The following RTN1 variants were observed in gnomAD, a reference collection of about 807,000 sequenced individuals.
RTN1 encodes reticulon 1.
In RTN1, 25 loss-of-function variants were observed where a neutral mutation model predicts 65.5. The ratio of observed to expected loss-of-function variants is 0.38; its 90% confidence interval spans 0.28 to 0.53. RTN1 has a LOEUF of 0.53. Among genes scored for constraint, RTN1 ranks in the 20% least tolerant of loss-of-function variants. RTN1 has a pLI of 0.79. For synonymous variants in RTN1, 471 were observed against 447.6 expected, an observed-to-expected ratio of 1.05 and a Z score of -0.66; for missense variants, 983 against 1,025.4, an observed-to-expected ratio of 0.96 and a Z score of 0.57.
intron 2 of RTN1, among the ~76,000 whole-genome samples, chr14:59,737,588 CA>C (rs1885026994): frequency 6.6e-6 from 1 of 152,100 alleles, no homozygotes. Context: ...CCATACTCCC[CA>C]AAACAACTTA....
intron 1 of RTN1, among the ~76,000 whole-genome samples, chr14:59,775,004 A>G (rs929983041): frequency 2.6e-5 from 4 of 152,200 alleles, no homozygotes; most frequent in African/African-American, 9.6e-5. Context: ...CTAGCCACCT[A>G]TTCATGCCAC....
intron 1 of RTN1, among the ~76,000 whole-genome samples, chr14:59,750,211 T>C (rs1401061336): frequency 3.7e-5 from 1 of 26,782 alleles, no homozygotes; most frequent in Non-Finnish European, 5.9e-5. Flanking sequence ...TAATATATAA[T>C]ATATATATTA....
At chr14:59,741,823 T>C (rs1353621778) in intron 2 of RTN1, among the ~76,000 whole-genome samples, 2 of 152,190 alleles carry the variant, frequency 1.3e-5, no homozygotes, top group South Asian at 2.1e-4. Context: ...CCCTCCTAGC[T>C]TCTCTCTGAA....
chr14:59,626,583 T>C (rs760780449), intron 3 of RTN1, among the ~76,000 whole-genome samples: 25 of 152,212 alleles, frequency 1.6e-4, no homozygotes, highest in Admixed American at 7.2e-4. Context: ...TTTGTTCCCC[T>C]AGTACAACAC....
At chr14:59,609,184 C>T (rs576565658) in intron 3 of RTN1, among the ~76,000 whole-genome samples, 2 of 152,110 alleles carry the variant, frequency 1.3e-5, no homozygotes, top group East Asian at 3.9e-4. Flanking sequence ...ACTCGGGAGG[C>T]TGAGGCAGAA....
intron 1 of RTN1, among the ~76,000 whole-genome samples, chr14:59,814,930 T>G (rs1421993290): frequency 6.6e-6 from 1 of 152,216 alleles, no homozygotes. Flanking sequence ...GTAGTTAGAA[T>G]CAGCTACTTT....
chr14:59,818,645 T>A (rs76632937), intron 1 of RTN1, among the ~76,000 whole-genome samples: 1 of 152,234 alleles, frequency 6.6e-6, no homozygotes, highest in Non-Finnish European at 1.5e-5. Flanking sequence ...TGTGTCTTTA[T>A]GGTAGGAGGA....
intron 3 of RTN1, among the ~76,000 whole-genome samples, chr14:59,721,543 G>A (rs756465265): frequency 2.0e-5 from 3 of 152,130 alleles, no homozygotes; most frequent in Non-Finnish European, 2.9e-5. Flanking sequence ...CTGTAGTTTC[G>A]AGGTGGGGGT....
Position 59,746,247 on chromosome 14 carries a change from C to A in RTN1, c.476G>T (p.Arg159Leu), listed in dbSNP as rs200207910. Residue 159 changes from arginine to leucine, a missense_variant, in exon 2 of 9, where the codon CGT (arginine) becomes CTT (leucine). Arg to Leu is a moderately radical substitution (Grantham distance 102). Coordinates refer to ENST00000267484, the MANE Select transcript of RTN1 (RefSeq NM_021136.3). ...TCCAGAATCAGAACTAAATAAGCCA[C>A]GAGACTCTATCCCAGGCACATCTGG... is the stretch of plus-strand genomic sequence containing the variant. ...SLPDVPGIES[R>L]GLFSSDSGIE... is the part of the protein sequence containing the mutation. The A allele has an allele frequency of 3.1e-6, 5 of 1,612,724 alleles. No homozygotes were observed. In the East Asian group the frequency reaches 6.7e-5, roughly 22 times the overall value.
chr14:59,861,259 C>A (rs1421616004), intron 1 of RTN1, among the ~76,000 whole-genome samples: 3 of 152,126 alleles, frequency 2.0e-5, no homozygotes, highest in Non-Finnish European at 4.4e-5. Flanking sequence ...ATAAGTCTCA[C>A]AAGATCTGAT....
chr14:59,830,775 T>C (rs1021871530), intron 1 of RTN1, among the ~76,000 whole-genome samples: 2 of 152,188 alleles, frequency 1.3e-5, no homozygotes, highest in Non-Finnish European at 2.9e-5. Flanking sequence ...ATTTAGTTCA[T>C]AGGGTGGTTT....
At position 59,870,545 on chromosome 14, in the gene RTN1, T is replaced by C; in HGVS notation, c.86A>G (p.Glu29Gly). Residue 29 changes from glutamate (E) to glycine (G), a missense_variant, in exon 1 of 9, where the codon GAG (glutamate) becomes GGG (glycine). Glu to Gly is a moderately conservative substitution (Grantham distance 98, BLOSUM62 -2). Around this residue, in one of 2 missense-constraint regions of RTN1, gnomAD observed 818 missense variants for 801.8 expected, o/e 1.02. Coordinates refer to ENST00000267484, the MANE Select transcript of RTN1 (RefSeq NM_021136.3). The surrounding 1 kb of genome is among the most constrained non-coding windows in gnomAD (Gnocchi z 5.1). ...CCCTTTCGGCGTCACCGCTTCGTTCTCCCCCTCCCCCCGGTGCCTGAGCCA... is the reference window on the plus strand; with the variant it reads ...CCCTTTCGGCGTCACCGCTTCGTTCCCCCCCTCCCCCCGGTGCCTGAGCCA... The part of the protein sequence containing the change: ...SQWLRHRGEG[E>G]NEAVTPKGAT... The C allele has an allele frequency of 6.9e-7, 1 of 1,456,588 alleles. No individual in the cohort carries two copies. Among genetic ancestry groups the C allele is most frequent in the South Asian group, 1.3e-5 (1 of 75,062 alleles). 90.2% of individuals were successfully genotyped at this position (1,456,588 alleles called of 1,614,324 possible).
chr14:59,631,994 T>C (rs558355029), intron 3 of RTN1, among the ~76,000 whole-genome samples: 1 of 152,326 alleles, frequency 6.6e-6, no homozygotes, highest in East Asian at 1.9e-4. Context: ...AGCATGGGCC[T>C]AAGGACAGTA....
At chr14:59,733,089 T>TTC (rs1555357873) in intron 2 of RTN1, among the ~76,000 whole-genome samples, 26 of 150,786 alleles carry the variant, frequency 1.7e-4, no homozygotes, top group Non-Finnish European at 3.1e-4. Context: ...CTTTTTTTTT[T>TTC]TTTCTTTCTT....
intron 1 of RTN1, among the ~76,000 whole-genome samples, chr14:59,761,153 G>A (rs984600903): frequency 6.6e-6 from 1 of 152,146 alleles, no homozygotes; most frequent in Non-Finnish European, 1.5e-5. Context: ...TGCACTGGGT[G>A]TATCTCATAA....
In RTN1 at chr14:59,721,348, A is replaced by G. The variant is rs1212564910; in HGVS notation, c.1765+5571T>C. Among the ~76,000 whole-genome samples the G allele has an allele frequency of 4.6e-5, 7 of 152,256 alleles. 1 individual carries two copies. The South Asian group carries it at 1.0e-3, about 23-fold the overall frequency. ...ACAGACAGGTACCTCTCTAACAGAAAGAGATAGAAACAGCTGAGTCCCCCT... is the reference window on the plus strand; with the variant it reads ...ACAGACAGGTACCTCTCTAACAGAAGGAGATAGAAACAGCTGAGTCCCCCT... On this transcript the variant is annotated intron_variant, in intron 3 of 8. Transcript: ENST00000267484.
chr14:59,596,586 C>G lies in RTN1; in HGVS notation c.*159G>C, dbSNP rs1432017429. ...AAGTGACTCAAATATCCTAAGAGTACAAGGAACAGCCTAAAAACAGCTGTT... is the reference window on the plus strand; with the variant it reads ...AAGTGACTCAAATATCCTAAGAGTAGAAGGAACAGCCTAAAAACAGCTGTT... On this transcript the variant is annotated 3_prime_UTR_variant, in exon 9 of 9. Transcript: ENST00000267484. The G allele has an allele frequency of 1.6e-6, 1 of 638,844 alleles. No homozygotes were observed. Among genetic ancestry groups the G allele is most frequent in the African/African-American group, 1.8e-5 (1 of 55,344 alleles). 39.6% of individuals were successfully genotyped at this position (638,844 alleles called of 1,614,324 possible).
intron 3 of RTN1, among the ~76,000 whole-genome samples, chr14:59,613,866 C>G (rs531542773): frequency 6.6e-6 from 1 of 152,148 alleles, no homozygotes; most frequent in Admixed American, 6.5e-5. Context: ...AGATAAATCC[C>G]TCTCAAAATT....
chr14:59,869,673 T>A (rs1277508299), intron 1 of RTN1, among the ~76,000 whole-genome samples: 2 of 151,354 alleles, frequency 1.3e-5, no homozygotes, highest in African/African-American at 4.9e-5. Flanking sequence ...CCGCCGCACT[T>A]AGGACTTGAA....
Sources: gnomAD v4.1 joint callset for allele counts (sites outside exome capture counted in the v4.1 genomes callset) on GRCh38, gnomAD v4.1.1 for gene constraint, gnomAD v4.1.1 regional missense constraint, Gnocchi (gnomAD v3.1) non-coding constraint, MANE v1.5 for transcripts, NCBI Gene and HGNC (gene_info 2026-07-23, HGNC 2026-07-21) for gene names.